The following ARHGEF4 variants were observed in gnomAD, a reference collection of about 807,000 sequenced individuals.
ARHGEF4 encodes the protein Rho guanine nucleotide exchange factor 4.
ARHGEF4 carries 119 observed loss-of-function variants against 162.0 expected under a neutral mutation model. The ratio of observed to expected loss-of-function variants is 0.73; its 90% confidence interval spans 0.63 to 0.86. ARHGEF4 has a LOEUF of 0.86. Ranked by LOEUF, ARHGEF4 falls within the 40% of genes least tolerant of loss-of-function variation. The probability of loss-of-function intolerance (pLI) is 0.00; values close to 1 mark genes in which losing one functional copy is unlikely to be tolerated. For synonymous variants in ARHGEF4, 1,014 were observed against 979.9 expected (o/e 1.03, Z -0.65); for missense variants, 2,488 against 2,456.0 (o/e 1.01, Z -0.28).
At chr2:130,960,100 T>G (rs1684542989) in intron 4 of ARHGEF4, among the ~76,000 whole-genome samples, 1 of 152,142 alleles carries the variant, frequency 6.6e-6, no homozygotes, top group African/African-American at 2.4e-5. Context: ...ATAATGGCAT[T>G]TTGGTCAGTT....
Position 130,916,753 on chromosome 2 carries a change from G to C in ARHGEF4, c.2807G>C (p.Ser936Thr). ...EKENTHERSPSSPKGEKEKSR... is the reference protein window; with the variant it reads ...EKENTHERSPTSPKGEKEKSR... The stretch of plus-strand genomic sequence containing the variant: ...GAGAACACCCATGAACGTTCCCCAA[G>C]TTCTCCCAAGGGCGAGAAGGAGAAG... Residue 936 changes from serine to threonine, a missense_variant, in exon 2 of 14, where the codon AGT becomes ACT. This residue lies in a region of ARHGEF4 where 1,642 missense variants were observed against 1,481.5 expected (regional missense o/e 1.11). Coordinates refer to ENST00000409359, the MANE Select transcript of ARHGEF4 (RefSeq NM_001367493.1). 1 of 1,550,672 alleles carries C rather than the reference G, an allele frequency of 6.4e-7. No individual in the cohort carries two copies. The highest frequency in any genetic ancestry group is 8.7e-7 in the Non-Finnish European group (1 of 1,147,028).
Position 131,040,166 on chromosome 2 carries a change from A to G in ARHGEF4, c.4456A>G (p.Ile1486Val), listed in dbSNP as rs781447334. The change falls in exon 7 of 14, where the codon ATC (isoleucine) becomes GTC (valine). Residue 1486 changes from isoleucine to valine, a missense_variant. Physicochemically the swap from Ile to Val is conservative, Grantham distance 29. This residue lies in a region of ARHGEF4 where 174 missense variants were observed against 148.3 expected (regional missense o/e 1.17). Transcript: ENST00000409359. Reference sequence around the variant, plus strand: ...GATCCTCAGCACTGAGCGGGACTACATCAAGCACCTGCGCGACATCTGCGA... The same window carrying G: ...GATCCTCAGCACTGAGCGGGACTACGTCAAGCACCTGCGCGACATCTGCGA... ...NEILSTERDY[I>V]KHLRDICEGY... The G allele has an allele frequency of 1.2e-6, 2 of 1,611,804 alleles. No individual in the cohort carries two copies. Among genetic ancestry groups the G allele is most frequent in the Non-Finnish European group, 1.7e-6 (2 of 1,178,616 alleles).
chr2:130,864,530 A>T (rs1682128295), intron 1 of ARHGEF4, among the ~76,000 whole-genome samples: 2 of 152,154 alleles, frequency 1.3e-5, no homozygotes. Flanking sequence ...TTCAAGACCA[A>T]CCTGGCCAAC....
At chr2:131,006,251 C>T (rs769202779) in intron 4 of ARHGEF4, among the ~76,000 whole-genome samples, 1 of 152,148 alleles carries the variant, frequency 6.6e-6, no homozygotes, top group Non-Finnish European at 1.5e-5. Flanking sequence ...GGGACACAGC[C>T]GCGATGACAC....
chr2:130,961,630 A>G (rs1684626733), intron 4 of ARHGEF4, among the ~76,000 whole-genome samples: 1 of 152,222 alleles, frequency 6.6e-6, no homozygotes, highest in African/African-American at 2.4e-5. Flanking sequence ...TGTGTATTTT[A>G]GAGCTCCCTT....
At chr2:130,978,229 C>T (rs1032526603) in intron 4 of ARHGEF4, among the ~76,000 whole-genome samples, 5 of 152,188 alleles carry the variant, frequency 3.3e-5, no homozygotes, top group African/African-American at 7.2e-5. Context: ...TGAGGAATCT[C>T]GTCATTGATC....
intron 2 of ARHGEF4, among the ~76,000 whole-genome samples, chr2:130,926,014 C>CTTTATTTCTT (rs376311066): frequency 1.0e-5 from 1 of 97,206 alleles, no homozygotes; most frequent in East Asian, 2.9e-4. Flanking sequence ...TTGGTTTTCT[C>CTTTATTTCTT]TCTTTCTTTC....
At chr2:130,966,268 G>A (rs1684995407) in intron 4 of ARHGEF4, among the ~76,000 whole-genome samples, 1 of 152,224 alleles carries the variant, frequency 6.6e-6, no homozygotes, top group Non-Finnish European at 1.5e-5. Context: ...AGAGCCAGTT[G>A]AATCTGTGAA....
intron 4 of ARHGEF4, among the ~76,000 whole-genome samples, chr2:130,990,366 C>T (rs778659110): frequency 1.8e-4 from 27 of 152,062 alleles, no homozygotes; most frequent in Non-Finnish European, 3.4e-4. Context: ...ACACTTAACA[C>T]AGCAAGATTC....
chr2:130,916,423 C>G lies in ARHGEF4; in HGVS notation c.2477C>G (p.Ser826Cys). ...APTTEGRRWG[S>C]SGPEGLPREN... ...ACCACCGAGGGTCGCCGCTGGGGCTCTTCAGGCCCCGAGGGGCTCCCCAGG... is the reference window on the plus strand; with the variant it reads ...ACCACCGAGGGTCGCCGCTGGGGCTGTTCAGGCCCCGAGGGGCTCCCCAGG... Residue 826 changes from serine to cysteine, a missense_variant, in exon 2 of 14, where the codon TCT becomes TGT. Physicochemically the swap from Ser to Cys is moderately radical, Grantham distance 112 (BLOSUM62 -1). Coordinates refer to ENST00000409359, the MANE Select transcript of ARHGEF4 (RefSeq NM_001367493.1). 7 of 1,536,294 alleles carry G rather than the reference C, an allele frequency of 4.6e-6. No homozygotes were observed. Among genetic ancestry groups the G allele is most frequent in the Non-Finnish European group, 6.1e-6 (7 of 1,144,020 alleles).
At chr2:131,011,694 A>T in intron 4 of ARHGEF4, 3 of 1,513,020 alleles carry the variant, frequency 2.0e-6, no homozygotes, top group Non-Finnish European at 2.7e-6. Context: ...AGAGAGAGGA[A>T]ATGAGGCCAG....
chr2:130,854,937 A>G (rs1681664545), intron 1 of ARHGEF4, among the ~76,000 whole-genome samples: 1 of 151,628 alleles, frequency 6.6e-6, no homozygotes, highest in Non-Finnish European at 1.5e-5. Context: ...GCAGTGGCGC[A>G]ATCTCGGCTC....
chr2:130,941,003 G>C (rs903803391), intron 3 of ARHGEF4, among the ~76,000 whole-genome samples: 2 of 152,018 alleles, frequency 1.3e-5, no homozygotes, highest in Non-Finnish European at 2.9e-5. Context: ...TATTCTATAA[G>C]CAGGAGGCAG....
Position 131,027,963 on chromosome 2 carries a change from T to A in ARHGEF4, c.4004T>A (p.Leu1335Gln). The change falls in exon 5 of 14, where the codon CTG becomes CAG. Residue 1335 changes from leucine to glutamine, a missense_variant. Leu to Gln is a moderately radical substitution (Grantham distance 113, BLOSUM62 -2). Around this residue, in one of 6 missense-constraint regions of ARHGEF4, gnomAD observed 1,642 missense variants for 1,481.5 expected, o/e 1.11. Coordinates refer to ENST00000409359, the MANE Select transcript of ARHGEF4 (RefSeq NM_001367493.1). ...TPGTAMPDGALDTAVCADEVG... is the reference protein window; with the variant it reads ...TPGTAMPDGAQDTAVCADEVG... ...CTTCCAGCCATGCCTGATGGAGCTC[T>A]GGACACAGCTGTCTGCGCTGACGAA... 6.2e-7 allele frequency: 1 copy of A among 1,614,036 alleles called. No individual in the cohort carries two copies. The highest frequency in any genetic ancestry group is 8.5e-7 in the Non-Finnish European group (1 of 1,180,022).
chr2:131,004,605 C>T (rs867980078), intron 4 of ARHGEF4, among the ~76,000 whole-genome samples: 1 of 152,098 alleles, frequency 6.6e-6, no homozygotes, highest in Non-Finnish European at 1.5e-5. Context: ...TCACACAGCC[C>T]GGCCTCGATG....
At chr2:130,994,297 C>T (rs1271314886) in intron 4 of ARHGEF4, among the ~76,000 whole-genome samples, 1 of 152,072 alleles carries the variant, frequency 6.6e-6, no homozygotes, top group East Asian at 1.9e-4. Context: ...ATTCCTTTTT[C>T]ACTTTTCCTG....
In ARHGEF4 at chr2:130,915,087, C is replaced by G. The variant is rs1369897354; in HGVS notation, c.1141C>G (p.Pro381Ala). Residue 381 changes from proline to alanine, a missense_variant, in exon 2 of 14, where the codon CCT becomes GCT. By Grantham distance (27) the Pro-to-Ala change is conservative (BLOSUM62 -1). This residue lies in a region of ARHGEF4 where 1,642 missense variants were observed against 1,481.5 expected (regional missense o/e 1.11). Coordinates refer to ENST00000409359, the MANE Select transcript of ARHGEF4 (RefSeq NM_001367493.1). ...RDPRIQNIPS[P>A]APTQLSGPIP... is the part of the protein sequence containing the mutation. ...TCCAAGAATACAAAACATCCCTTCC[C>G]CTGCACCCACCCAGCTGTCTGGCCC... 6.4e-7 allele frequency: 1 copy of G among 1,550,668 alleles called. No homozygotes were observed. Among genetic ancestry groups the G allele is most frequent in the Non-Finnish European group, 8.7e-7 (1 of 1,147,024 alleles).
chr2:131,030,279 T>TTA (rs1215331853), intron 5 of ARHGEF4, among the ~76,000 whole-genome samples: 4 of 152,170 alleles, frequency 2.6e-5, no homozygotes, highest in African/African-American at 9.7e-5. Flanking sequence ...AAGTTGTTCA[T>TTA]TCTAAGATGC....
At chr2:130,980,389 C>CA (rs70994728) in intron 4 of ARHGEF4, among the ~76,000 whole-genome samples, 107,993 of 141,386 alleles carry the variant, frequency 0.76, 41,405 homozygotes, top group East Asian at 0.87. Context: ...GACCATGTCT[C>CA]AAAAAAAAAA....
Sources: allele counts gnomAD v4.1 joint callset (sites outside exome capture counted in the v4.1 genomes callset), GRCh38; gene constraint gnomAD v4.1.1; regional missense constraint gnomAD v4.1.1; transcripts MANE v1.5; gene names NCBI Gene and HGNC (gene_info 2026-07-23, HGNC 2026-07-21).